GTF3C4: variants seen among roughly 807,000 people sequenced by gnomAD.
GTF3C4 encodes the protein general transcription factor 3C polypeptide 4.
Under a neutral mutation model 67.5 loss-of-function variants are expected in GTF3C4, and 28 were observed. That is an observed-to-expected ratio of 0.41 (90% CI 0.31 to 0.57). GTF3C4 has a LOEUF of 0.57. Among genes scored for constraint, GTF3C4 ranks in the 20% least tolerant of loss-of-function variants. The probability of loss-of-function intolerance (pLI) is 0.21; values close to 1 mark genes in which losing one functional copy is unlikely to be tolerated. For synonymous variants in GTF3C4, 409 were observed against 393.0 expected, an observed-to-expected ratio of 1.04 and a Z score of -0.48; for missense variants, 831 against 1,033.2, an observed-to-expected ratio of 0.80 and a Z score of 2.68.
At chr9:132,670,382 C>A (rs1835681136), upstream of GTF3C4, 1 of 1,203,762 alleles carries the variant, frequency 8.3e-7, no homozygotes, top group African/African-American at 1.6e-5. Flanking sequence ...CCTCGGGGCT[C>A]CCCGCTCGCT....
In GTF3C4 at chr9:132,693,624, CTG is replaced by C. The variant is rs1322199867; in HGVS notation, c.*4681_*4682del. The stretch of plus-strand genomic sequence containing the variant: ...ATTTTTAAAGTAAAAAGTTGCCTCA[CTG>C]TCATGAAATCCTGTTACTTTCATTA... On this transcript the variant is annotated 3_prime_UTR_variant, in exon 5 of 5. Coordinates refer to ENST00000372146, the MANE Select transcript of GTF3C4 (RefSeq NM_012204.4). 6.7e-6 allele frequency: 1 copy of C among 149,858 alleles called. No homozygotes were observed. Among genetic ancestry groups the C allele is most frequent in the African/African-American group, 2.5e-5 (1 of 40,316 alleles). The allele number at this position is 149,858 out of a possible 1,614,324, so 9.3% of individuals were successfully genotyped here.
chr9:132,678,347 A>C lies in GTF3C4; in HGVS notation c.728A>C (p.His243Pro). The C allele has an allele frequency of 6.2e-7, 1 of 1,614,234 alleles. No individual in the cohort carries two copies. Among genetic ancestry groups the C allele is most frequent in the Non-Finnish European group, 8.5e-7 (1 of 1,180,048 alleles). ...GATTTTGCTGAGTTTCAGAGGAGAC[A>C]CAGCATGCAGACCCCAGTCAGAATG... is the stretch of plus-strand genomic sequence containing the variant. Reference protein sequence around the residue: ...LGDFAEFQRRHSMQTPVRMEW... With the variant: ...LGDFAEFQRRPSMQTPVRMEW... The change falls in exon 2 of 5, where the codon CAC becomes CCC. Residue 243 changes from histidine (H) to proline (P), a missense_variant. Around this residue, in one of 4 missense-constraint regions of GTF3C4, gnomAD observed 390 missense variants for 540.3 expected, o/e 0.72. Transcript: ENST00000372146. This position sits in a 1 kb window ranked among gnomAD's most constrained non-coding sequence, Gnocchi z 6.5.
chr9:132,675,326 G>A (rs1196889232), intron 1 of GTF3C4, among the ~76,000 whole-genome samples: 2 of 152,152 alleles, frequency 1.3e-5, no homozygotes, highest in African/African-American at 2.4e-5. Context: ...TCATCTGCCT[G>A]TAGAAAGCAC....
At chr9:132,673,100 G>A (rs1835810989) in intron 1 of GTF3C4, among the ~76,000 whole-genome samples, 1 of 152,128 alleles carries the variant, frequency 6.6e-6, no homozygotes, top group South Asian at 2.1e-4. Context: ...GGAGAATGGC[G>A]TGAATCCGGG....
Position 132,678,278 on chromosome 9 carries a change from G to A in GTF3C4, c.659G>A (p.Ser220Asn), listed in dbSNP as rs766376449. The A allele has an allele frequency of 4.3e-6, 7 of 1,614,192 alleles. No individual in the cohort carries two copies. The highest frequency in any genetic ancestry group is 5.9e-6 in the Non-Finnish European group (7 of 1,180,038). The stretch of plus-strand genomic sequence containing the variant: ...TATGGAGAACGTCTTTATGAGACCA[G>A]TTACAGGCTCTCTAAAAATGAGGCC... ...EIYGERLYET[S>N]YRLSKNEAPE... Residue 220 changes from serine to asparagine, a missense_variant, in exon 2 of 5, where the codon AGT becomes AAT. Around this residue, in one of 4 missense-constraint regions of GTF3C4, gnomAD observed 390 missense variants for 540.3 expected, o/e 0.72. Coordinates refer to ENST00000372146, the MANE Select transcript of GTF3C4 (RefSeq NM_012204.4). The surrounding 1 kb of genome is among the most constrained non-coding windows in gnomAD (Gnocchi z 6.5).
intron 3 of GTF3C4, 79 bp from the exon 4 acceptor site, chr9:132,687,160 C>A: frequency 1.2e-6 from 1 of 819,270 alleles, no homozygotes; most frequent in Non-Finnish European, 2.2e-6. Flanking sequence ...TGATAACTCT[C>A]TGTGATGGAG....
In GTF3C4 at chr9:132,694,888, ACAGAG is replaced by A. The variant is rs1279645957; in HGVS notation, c.*5945_*5949del. 1 of 152,260 alleles carries A rather than the reference ACAGAG, an allele frequency of 6.6e-6. No homozygotes were observed. The highest frequency in any genetic ancestry group is 2.4e-5 in the African/African-American group (1 of 41,468). The allele number at this position is 152,260 out of a possible 1,614,324, so 9.4% of individuals were successfully genotyped here. A position where few individuals can be genotyped will look rare whatever the true frequency, so the allele number is the denominator to read the frequency against. ...ACCTTGAATATGTTGTGGTTTGTAT[ACAGAG>A]CCATTAGTATTGTTATTTTGGCCAC... On this transcript the variant is annotated 3_prime_UTR_variant, in exon 5 of 5. Transcript: ENST00000372146.
At chr9:132,673,168 G>A (rs1239538765) in intron 1 of GTF3C4, among the ~76,000 whole-genome samples, 4 of 152,120 alleles carry the variant, frequency 2.6e-5, no homozygotes, top group African/African-American at 7.2e-5. Flanking sequence ...GGGCGACAGA[G>A]CCAGACTCCG....
At chr9:132,688,239 T>C (rs574816934) in intron 4 of GTF3C4, among the ~76,000 whole-genome samples, 10 of 152,350 alleles carry the variant, frequency 6.6e-5, no homozygotes, top group African/African-American at 2.4e-4. Context: ...ACCTCCCTCC[T>C]CCTGATGGAT....
At chr9:132,672,613 A>G (rs562366354) in intron 1 of GTF3C4, among the ~76,000 whole-genome samples, 24 of 152,324 alleles carry the variant, frequency 1.6e-4, no homozygotes, top group Non-Finnish European at 2.8e-4. Flanking sequence ...GAAGGTCGGT[A>G]TGAGGAAGTT....
intron 2 of GTF3C4, among the ~76,000 whole-genome samples, chr9:132,682,192 A>G (rs1200855044): frequency 1.3e-5 from 2 of 152,172 alleles, no homozygotes; most frequent in Admixed American, 6.6e-5. Context: ...TGGCCTGTCT[A>G]GAATAGCAGA....
chr9:132,674,570 C>G (rs1835837195), intron 1 of GTF3C4, among the ~76,000 whole-genome samples: 8 of 152,328 alleles, frequency 5.3e-5, no homozygotes, highest in Admixed American at 3.9e-4. Flanking sequence ...TTTACTTCTA[C>G]AGTAGCTTTT....
At chr9:132,685,191 T>G (rs1836006470) in intron 3 of GTF3C4, among the ~76,000 whole-genome samples, 1 of 151,852 alleles carries the variant, frequency 6.6e-6, no homozygotes, top group Non-Finnish European at 1.5e-5. Context: ...ATTTTTTTTT[T>G]TGTATTTTTG....
At chr9:132,671,943 T>C (rs979345000) in intron 1 of GTF3C4, among the ~76,000 whole-genome samples, 1 of 152,222 alleles carries the variant, frequency 6.6e-6, no homozygotes, top group African/African-American at 2.4e-5. Context: ...TAAACTCTTA[T>C]TTTGGAAAAC....
At chr9:132,684,673 G>A (rs1032511101) in intron 3 of GTF3C4, among the ~76,000 whole-genome samples, 2 of 151,988 alleles carry the variant, frequency 1.3e-5, no homozygotes, top group African/African-American at 4.8e-5. Flanking sequence ...TACGTGAGGC[G>A]CCCTCCACCT....
chr9:132,676,005 T>G (rs1380829017), intron 1 of GTF3C4, among the ~76,000 whole-genome samples: 1 of 146,580 alleles, frequency 6.8e-6, no homozygotes, highest in Non-Finnish European at 1.5e-5. Flanking sequence ...TTCATGCCAT[T>G]CTCCTTCCTC....
At chr9:132,670,096 G>A, upstream of GTF3C4, 1 of 1,563,656 alleles carries the variant, frequency 6.4e-7, no homozygotes, top group African/African-American at 1.4e-5. Flanking sequence ...GGGGACGGCG[G>A]CACCGGGCGG....
chr9:132,686,998 A>G (rs928700953), intron 3 of GTF3C4, among the ~76,000 whole-genome samples: 1 of 152,230 alleles, frequency 6.6e-6, no homozygotes, highest in South Asian at 2.1e-4. Flanking sequence ...TCTGATGCTC[A>G]AACAGGAAAA....
intron 1 of GTF3C4, among the ~76,000 whole-genome samples, chr9:132,675,256 G>A (rs1835847453): frequency 3.3e-5 from 5 of 152,112 alleles, no homozygotes; most frequent in Admixed American, 3.3e-4. Flanking sequence ...CAGGTAGTCT[G>A]GCGTCATAGC....
Sources: gnomAD v4.1 joint callset for allele counts (sites outside exome capture counted in the v4.1 genomes callset) on GRCh38, gnomAD v4.1.1 for gene constraint, gnomAD v4.1.1 regional missense constraint, Gnocchi (gnomAD v3.1) non-coding constraint, MANE v1.5 for transcripts, NCBI Gene and HGNC (gene_info 2026-07-23, HGNC 2026-07-21) for gene names.